Variants in LONRF1 observed in about 807,000 individuals in gnomAD.
The protein encoded by LONRF1 is LON peptidase N-terminal domain and RING finger protein 1.
A neutral mutation model predicts 85.8 loss-of-function variants in LONRF1; 37 were observed. The observed-to-expected ratio is 0.43, with a 90% CI of 0.33 to 0.57. LONRF1 has a LOEUF of 0.57. LONRF1 is among the 20% of genes least tolerant of loss of function. LONRF1 has a pLI of 0.04. For missense variants in LONRF1, 1,036 were observed against 978.0 expected, an observed-to-expected ratio of 1.06 and a Z score of -0.79; for synonymous variants, 517 against 390.1, an observed-to-expected ratio of 1.33 and a Z score of -3.83.
intron 7 of LONRF1, among the ~76,000 whole-genome samples, chr8:12,732,702 T>G (rs1377485042): frequency 6.6e-6 from 1 of 152,220 alleles, no homozygotes; most frequent in Non-Finnish European, 1.5e-5. Context: ...ATTTTACTGT[T>G]TTTACCACAT....
chr8:12,723,348 T>C, intron 11 of LONRF1, 94 bp from the exon 12 acceptor site: 1 of 1,161,756 alleles, frequency 8.6e-7, no homozygotes, highest in Admixed American at 2.4e-5. Flanking sequence ...ATTGAGCACT[T>C]GTACTATGTG....
In LONRF1 at chr8:12,722,520, G is replaced by C. The variant is rs1296953492; in HGVS notation, c.*576C>G. The C allele has an allele frequency of 6.5e-6, 1 of 152,772 alleles. No homozygotes were observed. Among genetic ancestry groups the C allele is most frequent in the Non-Finnish European group, 1.5e-5 (1 of 68,158 alleles). 9.5% of individuals were successfully genotyped at this position (152,772 alleles called of 1,614,324 possible). A position where few individuals can be genotyped will look rare whatever the true frequency, so the allele number is the denominator to read the frequency against. On this transcript the variant is annotated 3_prime_UTR_variant, in exon 12 of 12. Transcript: ENST00000398246. ...AAACTGTGTCATAGTCAATGGTCAA[G>C]ACAGTTCAGCAAGAGCAGTGTTTCC... is the stretch of plus-strand genomic sequence containing the variant.
At chr8:12,735,105 C>A (rs570975575) in intron 7 of LONRF1, among the ~76,000 whole-genome samples, 181 bp downstream of exon 7, 1 of 152,140 alleles carries the variant, frequency 6.6e-6, no homozygotes, top group Non-Finnish European at 1.5e-5. Context: ...TTCTCCCCAT[C>A]CTCTTCAACC....
At chr8:12,749,023 A>G (rs1799275160) in intron 1 of LONRF1, among the ~76,000 whole-genome samples, 1 of 152,198 alleles carries the variant, frequency 6.6e-6, no homozygotes, top group Non-Finnish European at 1.5e-5. Flanking sequence ...CCTGACCTAT[A>G]ATATGCTTAC....
Position 12,743,216 on chromosome 8 carries a change from G to A in LONRF1, c.788C>T (p.Ala263Val). Reference sequence around the variant, plus strand: ...AACTGCATTTAAATCTTCTATGGCTGCTTTAAACTCTTGGAGACCAGCATA... The same window carrying A: ...AACTGCATTTAAATCTTCTATGGCTACTTTAAACTCTTGGAGACCAGCATA... ...ESYAGLQEFKAAIEDLNAVLF... is the reference protein window; with the variant it reads ...ESYAGLQEFKVAIEDLNAVLF... The change falls in exon 2 of 12, where the codon GCA becomes GTA. Residue 263 changes from alanine to valine, a missense_variant. Ala to Val is a moderately conservative substitution (Grantham distance 64, BLOSUM62 0). Coordinates refer to ENST00000398246, the MANE Select transcript of LONRF1 (RefSeq NM_152271.5). The A allele has an allele frequency of 6.2e-7, 1 of 1,613,304 alleles. No homozygotes were observed. The highest frequency in any genetic ancestry group is 8.5e-7 in the Non-Finnish European group (1 of 1,179,512).
At chr8:12,740,806 GCTTTTTTTTTTAAAC>G in intron 3 of LONRF1, 53 bp downstream of exon 3, 1 of 1,520,562 alleles carries the variant, frequency 6.6e-7, no homozygotes, top group East Asian at 2.3e-5. Flanking sequence ...ACTTTTATTA[GCTTTTTTTTTTAAAC>G]CTGTCTGCCT....
intron 1 of LONRF1, among the ~76,000 whole-genome samples, chr8:12,749,730 C>A (rs1301936092): frequency 6.6e-6 from 1 of 151,720 alleles, no homozygotes. Context: ...TTTTAGTAAC[C>A]CTGAGGCACT....
chr8:12,746,695 T>G (rs1257002560), intron 1 of LONRF1, among the ~76,000 whole-genome samples: 1 of 152,112 alleles, frequency 6.6e-6, no homozygotes, highest in Non-Finnish European at 1.5e-5. Flanking sequence ...TCAGCACAAT[T>G]CTACATGGAT....
chr8:12,754,986 G>A lies in LONRF1; in HGVS notation c.435C>T (p.Arg145=). Reference sequence around the variant, plus strand: ...GGGCGCGGAGTTCCCTCCGCAGGCAGCGGCGGCAGTAGCTGTGGCCACAGG... The same window carrying A: ...GGGCGCGGAGTTCCCTCCGCAGGCAACGGCGGCAGTAGCTGTGGCCACAGG... ...TVPCGHSYCR[R]CLRRELRARC... The change falls in exon 1 of 12, where the codon CGC becomes CGT. Residue 145 remains arginine (R), a synonymous_variant. Transcript: ENST00000398246. The A allele has an allele frequency of 6.7e-7, 1 of 1,491,984 alleles. No homozygotes were observed. The highest frequency in any genetic ancestry group is 8.9e-7 in the Non-Finnish European group (1 of 1,127,292). The allele number at this position is 1,491,984 out of a possible 1,614,324, so 92.4% of individuals were successfully genotyped here. A position where few individuals can be genotyped will look rare whatever the true frequency, so the allele number is the denominator to read the frequency against.
At chr8:12,724,101 G>C (rs1196375715) in intron 11 of LONRF1, among the ~76,000 whole-genome samples, 2 of 152,190 alleles carry the variant, frequency 1.3e-5, no homozygotes, top group African/African-American at 4.8e-5. Context: ...TTCTATATTT[G>C]TGTATTGTCC....
Position 12,755,289 on chromosome 8 carries a change from C to A in LONRF1, c.132G>T (p.Glu44Asp). ...GGAGCAGCAGCTCCCAGCGCTCCGA[C>A]TCCGCGGCCGCGCGCTCCAGCCGAT... ...SGHRLERAAA[E>D]SERWELLLRR... The change falls in exon 1 of 12, where the codon GAG becomes GAT. Residue 44 changes from glutamate to aspartate, a missense_variant. Around this residue, in one of 3 missense-constraint regions of LONRF1, gnomAD observed 742 missense variants for 614.4 expected, o/e 1.21. Coordinates refer to ENST00000398246, the MANE Select transcript of LONRF1 (RefSeq NM_152271.5). The A allele has an allele frequency of 8.0e-7, 1 of 1,245,836 alleles. No individual in the cohort carries two copies. The highest frequency in any genetic ancestry group is 1.6e-5 in the African/African-American group (1 of 63,450). 77.2% of individuals were successfully genotyped at this position (1,245,836 alleles called of 1,614,324 possible).
At position 12,736,794 on chromosome 8, in the gene LONRF1, G is replaced by T. The variant is rs1314982172; in HGVS notation, c.1358C>A (p.Thr453Asn). 6.2e-7 allele frequency: 1 copy of T among 1,602,322 alleles called. No homozygotes were observed. The highest frequency in any genetic ancestry group is 8.5e-7 in the Non-Finnish European group (1 of 1,175,382). The change falls in exon 6 of 12, where the codon ACT becomes AAT. Residue 453 changes from threonine to asparagine, a missense_variant. This residue lies in a region of LONRF1 where 742 missense variants were observed against 614.4 expected (regional missense o/e 1.21). Coordinates refer to ENST00000398246, the MANE Select transcript of LONRF1 (RefSeq NM_152271.5). ...GRNKLKKQGE[T>N]PNEVCMFSLA... ...GGAAAACATACAGACTTCATTGGGAGTTTCTATTAAAACAAAGACATGGGG... is the reference window on the plus strand; with the variant it reads ...GGAAAACATACAGACTTCATTGGGATTTTCTATTAAAACAAAGACATGGGG...
chr8:12,743,306 T>C lies in LONRF1; in HGVS notation c.722-24A>G, dbSNP rs760923758. 28 of 1,299,396 alleles carry C rather than the reference T, an allele frequency of 2.2e-5. No individual in the cohort carries two copies. In the Middle Eastern group the frequency reaches 5.9e-4, roughly 27 times the overall value. The allele number at this position is 1,299,396 out of a possible 1,614,324, so 80.5% of individuals were successfully genotyped here. A position where few individuals can be genotyped will look rare whatever the true frequency, so the allele number is the denominator to read the frequency against. On this transcript the variant is annotated intron_variant, in intron 1 of 11. Transcript: ENST00000398246. ...TTCTGAAATAAATATTTTATAAGGA[T>C]ATGATTATTTTTAAAAGATTATTAC... is the stretch of plus-strand genomic sequence containing the variant.
chr8:12,732,404 G>A (rs1301084504), intron 7 of LONRF1, among the ~76,000 whole-genome samples: 2 of 152,160 alleles, frequency 1.3e-5, no homozygotes, highest in African/African-American at 2.4e-5. Flanking sequence ...ACCCAAGGAA[G>A]GTGCGTTTCT....
At chr8:12,747,233 G>C (rs564115408) in intron 1 of LONRF1, among the ~76,000 whole-genome samples, 1 of 152,024 alleles carries the variant, frequency 6.6e-6, no homozygotes, top group East Asian at 1.9e-4. Flanking sequence ...TCTAGTCTTC[G>C]GCTGTCCAAA....
At chr8:12,747,965 T>C (rs964290241) in intron 1 of LONRF1, among the ~76,000 whole-genome samples, 1 of 152,204 alleles carries the variant, frequency 6.6e-6, no homozygotes, top group Non-Finnish European at 1.5e-5. Context: ...TTATAAAATA[T>C]ACTATATATG....
intron 1 of LONRF1, chr8:12,753,861 CAGG>C (rs1331659382): frequency 1.3e-5 from 2 of 152,380 alleles, no homozygotes; most frequent in South Asian, 2.1e-4. Context: ...GTGGAAAGGC[CAGG>C]AGAAGCGTGG....
At chr8:12,737,295 A>C (rs1798757422) in intron 4 of LONRF1, 155 bp from the exon 5 acceptor site, 1 of 977,316 alleles carries the variant, frequency 1.0e-6, no homozygotes, top group Non-Finnish European at 1.6e-6. Flanking sequence ...TGTGACAAGT[A>C]AATGATTTTT....
chr8:12,740,089 G>C (rs556335236), intron 3 of LONRF1, among the ~76,000 whole-genome samples: 2 of 152,220 alleles, frequency 1.3e-5, no homozygotes, highest in Admixed American at 1.3e-4. Flanking sequence ...GGTTTAACAT[G>C]ATCCCCACAT....
Sources: gnomAD v4.1 joint callset for allele counts (sites outside exome capture counted in the v4.1 genomes callset) on GRCh38, gnomAD v4.1.1 for gene constraint, gnomAD v4.1.1 regional missense constraint, MANE v1.5 for transcripts, NCBI Gene and HGNC (gene_info 2026-07-23, HGNC 2026-07-21) for gene names.